The following GRM5 variants were observed in gnomAD, a reference collection of about 807,000 sequenced individuals.
The protein encoded by GRM5 is glutamate metabotropic receptor 5.
GRM5 carries 19 observed loss-of-function variants against 83.1 expected under a neutral mutation model. The observed-to-expected ratio is 0.23, with a 90% CI of 0.16 to 0.34. The LOEUF is 0.34. GRM5 is among the 10% of genes least tolerant of loss of function. GRM5 has a pLI of 1.00. For missense variants in GRM5, 1,160 were observed against 1,588.3 expected (o/e 0.73, Z 4.58); for synonymous variants, 675 against 633.6 (o/e 1.07, Z -0.98).
chr11:88,625,019 T>C (rs1321606741), intron 4 of GRM5, among the ~76,000 whole-genome samples: 2 of 152,110 alleles, frequency 1.3e-5, no homozygotes, highest in Non-Finnish European at 2.9e-5. Flanking sequence ...TACCAAACAA[T>C]GACTGTACCT....
chr11:89,014,253 C>T (rs1158118808), intron 2 of GRM5, among the ~76,000 whole-genome samples: 1 of 152,056 alleles, frequency 6.6e-6, no homozygotes, highest in East Asian at 1.9e-4. Flanking sequence ...GAAATTTAGA[C>T]TACTTAAGGA....
intron 2 of GRM5, among the ~76,000 whole-genome samples, chr11:88,928,907 T>TATACACACACACACAC (rs369951090): frequency 1.4e-5 from 2 of 138,674 alleles, no homozygotes; most frequent in Non-Finnish European, 3.1e-5. Context: ...TATGTGTATA[T>TATACACACACACACAC]ACACACACAC....
chr11:88,787,888 G>C (rs1943103474), intron 3 of GRM5, among the ~76,000 whole-genome samples: 1 of 152,120 alleles, frequency 6.6e-6, no homozygotes, highest in Non-Finnish European at 1.5e-5. Flanking sequence ...AAGTTTGAAA[G>C]GCTTATGTGA....
chr11:88,626,645 G>A (rs540700696), intron 4 of GRM5, among the ~76,000 whole-genome samples: 15 of 152,150 alleles, frequency 9.9e-5, no homozygotes, highest in East Asian at 3.9e-4. Flanking sequence ...ACTAAATTAC[G>A]TCCCCTCAAA....
chr11:88,739,835 A>C (rs541546810), intron 3 of GRM5, among the ~76,000 whole-genome samples: 37 of 152,178 alleles, frequency 2.4e-4, no homozygotes, highest in African/African-American at 8.7e-4. Flanking sequence ...GTCTTGGGCA[A>C]TTGTTCATAG....
intron 4 of GRM5, among the ~76,000 whole-genome samples, chr11:88,608,815 C>A (rs920585508): frequency 6.6e-6 from 1 of 152,094 alleles, no homozygotes. Flanking sequence ...GCCACCGTGC[C>A]GAGCCCGGAT....
chr11:88,916,216 C>T (rs749617679), intron 2 of GRM5, among the ~76,000 whole-genome samples: 64 of 152,100 alleles, frequency 4.2e-4, no homozygotes, highest in Non-Finnish European at 9.1e-4. Context: ...CTAGCAATTA[C>T]AGTGTATGCC....
At chr11:88,969,414 C>T (rs757131531) in intron 2 of GRM5, among the ~76,000 whole-genome samples, 7 of 151,946 alleles carry the variant, frequency 4.6e-5, no homozygotes, top group South Asian at 4.1e-4. Context: ...CTGCTTCTTG[C>T]GGAATGCATC....
At chr11:88,696,577 A>G (rs956028527) in intron 3 of GRM5, among the ~76,000 whole-genome samples, 3 of 152,170 alleles carry the variant, frequency 2.0e-5, no homozygotes, top group Non-Finnish European at 2.9e-5. Context: ...CATCTGTAAG[A>G]TAATAATTGG....
intron 3 of GRM5, among the ~76,000 whole-genome samples, chr11:88,654,403 A>G (rs1382621855): frequency 6.6e-6 from 1 of 152,104 alleles, no homozygotes; most frequent in South Asian, 2.1e-4. Context: ...CTTCACTGCC[A>G]TTGGTATATA....
chr11:88,865,286 C>T (rs1274092681), intron 2 of GRM5, among the ~76,000 whole-genome samples: 1 of 152,034 alleles, frequency 6.6e-6, no homozygotes, highest in Non-Finnish European at 1.5e-5. Context: ...GTTTGACAAA[C>T]CTGACAAAAA....
chr11:88,867,108 G>A (rs1161702787), intron 2 of GRM5, among the ~76,000 whole-genome samples: 2 of 152,010 alleles, frequency 1.3e-5, no homozygotes, highest in East Asian at 1.9e-4. Context: ...GGTTACTGTA[G>A]CCTTGTCGTA....
At chr11:88,563,174 T>A (rs115191135) in intron 8 of GRM5, among the ~76,000 whole-genome samples, 79 of 152,330 alleles carry the variant, frequency 5.2e-4, no homozygotes, top group African/African-American at 1.9e-3. Flanking sequence ...TAATGCATAT[T>A]ACCTCATTTA....
chr11:88,994,821 A>T (rs1275913455), intron 2 of GRM5, among the ~76,000 whole-genome samples: 1 of 152,040 alleles, frequency 6.6e-6, no homozygotes, highest in Non-Finnish European at 1.5e-5. Flanking sequence ...TGATATCTAT[A>T]GAGCTTCCCT....
At chr11:88,959,150 T>C (rs936894652) in intron 2 of GRM5, among the ~76,000 whole-genome samples, 1 of 152,156 alleles carries the variant, frequency 6.6e-6, no homozygotes, top group Non-Finnish European at 1.5e-5. Flanking sequence ...AATCTCCAGG[T>C]GTCTTTGGAT....
intron 6 of GRM5, among the ~76,000 whole-genome samples, chr11:88,592,800 G>C (rs1937671265): frequency 6.6e-6 from 1 of 152,054 alleles, no homozygotes; most frequent in Non-Finnish European, 1.5e-5. Context: ...TGGAAGTAGT[G>C]GTGCTTTCTT....
chr11:88,992,974 C>G (rs1341653588), intron 2 of GRM5, among the ~76,000 whole-genome samples: 3 of 151,300 alleles, frequency 2.0e-5, no homozygotes, highest in African/African-American at 7.3e-5. Context: ...ATGTAACAAA[C>G]CTGCACGTTG....
intron 2 of GRM5, among the ~76,000 whole-genome samples, chr11:89,023,883 A>G (rs1665615260): frequency 6.9e-6 from 1 of 144,900 alleles, no homozygotes; most frequent in African/African-American, 2.5e-5. Context: ...ATAAATAAAT[A>G]AATAAATAAA....
chr11:88,642,733 A>G (rs977853662), intron 4 of GRM5, among the ~76,000 whole-genome samples: 1 of 152,180 alleles, frequency 6.6e-6, no homozygotes, highest in South Asian at 2.1e-4. Flanking sequence ...TAGGGAATGA[A>G]CAAAATGAGC....
Sources: gnomAD v4.1 joint callset for allele counts (sites outside exome capture counted in the v4.1 genomes callset) on GRCh38, gnomAD v4.1.1 for gene constraint, MANE v1.5 for transcripts, NCBI Gene and HGNC (gene_info 2026-07-23, HGNC 2026-07-21) for gene names.